HHAT: variants seen among roughly 807,000 people sequenced by gnomAD.
HHAT encodes protein-cysteine N-palmitoyltransferase HHAT.
A neutral mutation model predicts 70.8 loss-of-function variants in HHAT; 47 were observed. The ratio of observed to expected loss-of-function variants is 0.66; its 90% CI spans 0.53 to 0.85. The LOEUF is 0.85. Among genes scored for constraint, HHAT ranks in the 40% least tolerant of loss-of-function variants. The pLI is 0.00. For missense variants in HHAT, 609 were observed against 604.8 expected, an observed-to-expected ratio of 1.01 and a Z score of -0.07; for synonymous variants, 228 against 247.6, an observed-to-expected ratio of 0.92 and a Z score of 0.74.
At chr1:210,659,705 A>AT (rs1677231384) in intron 11 of HHAT, among the ~76,000 whole-genome samples, 1 of 152,348 alleles carries the variant, frequency 6.6e-6, no homozygotes, top group East Asian at 1.9e-4. Context: ...CAGCACATCA[A>AT]AAAGCTTCTC....
chr1:210,483,274 T>C (rs1262867743), intron 8 of HHAT, among the ~76,000 whole-genome samples: 1 of 152,138 alleles, frequency 6.6e-6, no homozygotes, highest in Non-Finnish European at 1.5e-5. Context: ...CAAATCATAG[T>C]AGTGATTTGC....
chr1:210,607,721 GTTTTC>G (rs1358173493), intron 10 of HHAT, among the ~76,000 whole-genome samples: 1 of 151,342 alleles, frequency 6.6e-6, no homozygotes, highest in Non-Finnish European at 1.5e-5. Flanking sequence ...AGATTCCTAG[GTTTTC>G]TTTTCTTTTT....
chr1:210,648,671 A>G (rs1271937852), intron 11 of HHAT, among the ~76,000 whole-genome samples: 1 of 152,200 alleles, frequency 6.6e-6, no homozygotes, highest in Non-Finnish European at 1.5e-5. Context: ...TTGATTATGC[A>G]CAACACGCAT....
At chr1:210,349,979 CCTG>C (rs1175851699) in intron 2 of HHAT, among the ~76,000 whole-genome samples, 1 of 152,132 alleles carries the variant, frequency 6.6e-6, no homozygotes, top group East Asian at 1.9e-4. Flanking sequence ...CACCACCATG[CCTG>C]GCTTTAAAAC....
chr1:210,547,088 G>A (rs958913193), intron 9 of HHAT, among the ~76,000 whole-genome samples: 14 of 152,130 alleles, frequency 9.2e-5, no homozygotes, highest in African/African-American at 2.4e-4. Flanking sequence ...CCAGCACTTT[G>A]GGAGGGTGAG....
chr1:210,485,057 A>G (rs1208171857), intron 8 of HHAT, among the ~76,000 whole-genome samples: 1 of 152,150 alleles, frequency 6.6e-6, no homozygotes, highest in East Asian at 1.9e-4. Context: ...ACTGAGCCCA[A>G]ACTTGAACCT....
In HHAT at chr1:210,362,625, C is replaced by G. The variant is rs974975063; in HGVS notation, c.92-227C>G. Among the ~76,000 whole-genome samples, 3 of 152,292 alleles carry G rather than the reference C, an allele frequency of 2.0e-5. No individual in the cohort carries two copies. In the East Asian group the frequency reaches 5.8e-4, roughly 29 times the overall value. ...CTCCTTTGCTGTCTCCTTTTGTGAC[C>G]CTTATTACAAGCCAAGTTTCCATCA... is the stretch of plus-strand genomic sequence containing the variant. On this transcript the variant is annotated intron_variant, in intron 2 of 11. Transcript: ENST00000261458.
chr1:210,586,726 C>T (rs1660528300), intron 9 of HHAT, among the ~76,000 whole-genome samples: 1 of 152,124 alleles, frequency 6.6e-6, no homozygotes, highest in Admixed American at 6.5e-5. Context: ...GACAAAGAAG[C>T]ACTGATCAGC....
At chr1:210,410,099 A>C (rs368485340) in intron 6 of HHAT, among the ~76,000 whole-genome samples, 190 of 151,324 alleles carry the variant, frequency 1.3e-3, no homozygotes, top group Non-Finnish European at 2.2e-3. Context: ...GTCGCCCAGG[A>C]TGGAGTGCAG....
intron 9 of HHAT, 111 bp from the exon 10 acceptor site, chr1:210,587,787 A>G: frequency 1.3e-6 from 1 of 799,650 alleles, no homozygotes. Flanking sequence ...GGAAGTGAGG[A>G]AGGATCTGCA....
intron 4 of HHAT, among the ~76,000 whole-genome samples, chr1:210,393,849 C>G (rs2091608540): frequency 6.6e-6 from 1 of 152,168 alleles, no homozygotes; most frequent in Non-Finnish European, 1.5e-5. Flanking sequence ...GGCTGGGGCA[C>G]AGTGCTTTCT....
In HHAT at chr1:210,329,076, C is replaced by CCGT. The variant is rs2147889570; in HGVS notation, c.-69_-67dup. On this transcript the variant is annotated 5_prime_UTR_variant, in exon 1 of 12. Coordinates refer to ENST00000261458, the MANE Select transcript of HHAT (RefSeq NM_018194.6). ...GAACTCGCGGCGCGCGTGAACGTTGCCGTCGCCGCCGCCCGGGACAGCCCG... is the reference window on the plus strand; with the variant it reads ...GAACTCGCGGCGCGCGTGAACGTTGCCGTCGTCGCCGCCGCCCGGGACAGCCCG... 2.1e-6 allele frequency: 3 copies of CCGT among 1,425,250 alleles called. No homozygotes were observed. The highest frequency in any genetic ancestry group is 1.8e-4 in the Middle Eastern group (1 of 5,598). 88.3% of individuals were successfully genotyped at this position (1,425,250 alleles called of 1,614,324 possible).
chr1:210,404,935 G>A (rs1279375404), intron 6 of HHAT, among the ~76,000 whole-genome samples: 3 of 152,254 alleles, frequency 2.0e-5, no homozygotes, highest in South Asian at 2.1e-4. Flanking sequence ...TGGCAACCAG[G>A]ATTAATGAGT....
At chr1:210,585,788 T>C (rs1660307456) in intron 9 of HHAT, among the ~76,000 whole-genome samples, 1 of 151,982 alleles carries the variant, frequency 6.6e-6, no homozygotes, top group East Asian at 1.9e-4. Flanking sequence ...TGGGGGTCAT[T>C]GAGTGGAATA....
At position 210,588,025 on chromosome 1, in the gene HHAT, C is replaced by T. The variant is rs1308080230; in HGVS notation, c.1171C>T (p.Leu391Phe). The T allele has an allele frequency of 1.2e-6, 2 of 1,613,996 alleles. No individual in the cohort carries two copies. The highest frequency in any genetic ancestry group is 3.3e-4 in the Middle Eastern group (2 of 6,060). The change falls in exon 10 of 12, where the codon CTC (leucine) becomes TTC (phenylalanine). Residue 391 changes from leucine (L) to phenylalanine (F), a missense_variant. Coordinates refer to ENST00000261458, the MANE Select transcript of HHAT (RefSeq NM_018194.6). ...GYDYLWCWAA[L>F]NWLGVTVENG... ...CGACTACCTCTGGTGCTGGGCAGCG[C>T]TCAACTGGCTGGGAGTCACTGTGGA... is the stretch of plus-strand genomic sequence containing the variant.
At position 210,434,885 on chromosome 1, in the gene HHAT, TGTAC is replaced by T. The variant is rs2148336406; in HGVS notation, c.856+16561_856+16564del. Among the ~76,000 whole-genome samples the T allele has an allele frequency of 1.3e-5, 2 of 152,044 alleles. 1 individual carries two copies. The highest frequency in any genetic ancestry group is 4.8e-5 in the African/African-American group (2 of 41,292). ...TTTAACTTGTAAAACTGATATATGA[TGTAC>T]ATATTTTGGGGGTATATGTGGTAAT... On this transcript the variant is annotated intron_variant, in intron 7 of 11. Transcript: ENST00000261458.
At chr1:210,500,379 G>C (rs1411433101) in intron 8 of HHAT, among the ~76,000 whole-genome samples, 2 of 152,148 alleles carry the variant, frequency 1.3e-5, no homozygotes, top group African/African-American at 4.8e-5. Context: ...GTTTTGTGTT[G>C]AATTCTTGTG....
intron 9 of HHAT, among the ~76,000 whole-genome samples, chr1:210,565,876 T>C (rs1654603108): frequency 6.6e-6 from 1 of 152,166 alleles, no homozygotes; most frequent in African/African-American, 2.4e-5. Context: ...CGTGGAGGTA[T>C]AGGCTGGATG....
rs143365438 is a variant in HHAT at position 210,401,752 on chromosome 1, G to C, written c.468+1090G>C. Among the ~76,000 whole-genome samples the C allele has an allele frequency of 1.1e-4, 17 of 152,310 alleles. No individual in the cohort carries two copies. In the East Asian group the frequency reaches 3.1e-3, roughly 28 times the overall value. On this transcript the variant is annotated intron_variant, in intron 5 of 11. Coordinates refer to ENST00000261458, the MANE Select transcript of HHAT (RefSeq NM_018194.6). ...TGACCCAGAGAATTGGTGGATGACA[G>C]ACAGACTGCCTTCTGAGTTGAGTTT...
Sources: gnomAD v4.1 joint callset for allele counts (sites outside exome capture counted in the v4.1 genomes callset) on GRCh38, gnomAD v4.1.1 for gene constraint, MANE v1.5 for transcripts, NCBI Gene and HGNC (gene_info 2026-07-23, HGNC 2026-07-21) for gene names.